The following PTP4A3 variants were observed in gnomAD, a reference collection of about 807,000 sequenced individuals.
The protein encoded by PTP4A3 is protein tyrosine phosphatase type IVA 3.
A neutral mutation model predicts 15.2 loss-of-function variants in PTP4A3; 9 were observed. The ratio of observed to expected loss-of-function variants is 0.59; its 90% confidence interval spans 0.36 to 1.03. PTP4A3 has a LOEUF of 1.03. Ranked by LOEUF, PTP4A3 falls within the 50% of genes least tolerant of loss-of-function variation. The pLI is 0.02. For synonymous variants in PTP4A3, 95 were observed against 102.0 expected (o/e 0.93, Z 0.41); for missense variants, 234 against 252.1 (o/e 0.93, Z 0.49).
intron 1 of PTP4A3, among the ~76,000 whole-genome samples, chr8:141,404,079 C>T (rs1051239666): frequency 3.9e-5 from 6 of 152,238 alleles, no homozygotes; most frequent in East Asian, 1.9e-4. Context: ...AGGGCCACGG[C>T]GACACGCCTG....
rs973381760 is a variant in PTP4A3 at position 141,427,170 on chromosome 8, G to T, written c.329+101G>T. The stretch of plus-strand genomic sequence containing the variant: ...ATGTGGGTCTTGAACACACGTCCAC[G>T]CGACCTTCCCAGGAGGCCCATGCCC... On this transcript the variant is annotated intron_variant, in intron 4 of 5. Coordinates refer to ENST00000521578, the MANE Select transcript of PTP4A3 (RefSeq NM_032611.3). 1.0e-5 allele frequency: 15 copies of T among 1,502,420 alleles called. No individual in the cohort carries two copies. In the South Asian group the frequency reaches 1.8e-4, roughly 18 times the overall value. The allele number at this position is 1,502,420 out of a possible 1,614,324, so 93.1% of individuals were successfully genotyped here. A position where few individuals can be genotyped will look rare whatever the true frequency, so the allele number is the denominator to read the frequency against.
rs1322064115 is a variant in PTP4A3 at position 141,407,601 on chromosome 8, C to G, written c.-853-13787C>G. On this transcript the variant is annotated intron_variant, in intron 1 of 5. Coordinates refer to ENST00000521578, the MANE Select transcript of PTP4A3 (RefSeq NM_032611.3). The stretch of plus-strand genomic sequence containing the variant: ...TTTTTTTTTGAGATGGAGTCTCACT[C>G]TGTTGCCCAGGCTGGAGTGCAGTGG... Among the ~76,000 whole-genome samples the G allele has an allele frequency of 2.0e-5, 3 of 148,260 alleles. No homozygotes were observed. The East Asian group carries it at 5.9e-4, about 29-fold the overall frequency.
intron 1 of PTP4A3, among the ~76,000 whole-genome samples, chr8:141,395,441 G>A (rs116416989): frequency 4.5e-4 from 68 of 152,296 alleles, no homozygotes; most frequent in African/African-American, 1.3e-3. Context: ...GTTTGGAAGC[G>A]GAACTGAGGG....
chr8:141,426,395 G>A (rs1387373309), intron 3 of PTP4A3: 7 of 977,336 alleles, frequency 7.2e-6, no homozygotes, highest in African/African-American at 1.8e-5. Context: ...GCCGGGGCCC[G>A]GTGGAACCGC....
chr8:141,410,041 C>T (rs1460255436), intron 1 of PTP4A3, among the ~76,000 whole-genome samples: 1 of 152,228 alleles, frequency 6.6e-6, no homozygotes, highest in Non-Finnish European at 1.5e-5. Flanking sequence ...CAGCCTGGGT[C>T]GGGGAGGTGA....
chr8:141,427,465 C>A (rs145162503), intron 4 of PTP4A3, among the ~76,000 whole-genome samples: 1 of 152,188 alleles, frequency 6.6e-6, no homozygotes, highest in African/African-American at 2.4e-5. Context: ...GAGACCCAGG[C>A]GAGCAGAGTT....
chr8:141,402,331 C>T (rs1352725208), intron 1 of PTP4A3, among the ~76,000 whole-genome samples: 2 of 152,214 alleles, frequency 1.3e-5, no homozygotes, highest in East Asian at 3.8e-4. Context: ...AGGGCTCCCC[C>T]AGATAACCCT....
At chr8:141,392,494 G>C (rs1370369593) in intron 1 of PTP4A3, 1 of 152,382 alleles carries the variant, frequency 6.6e-6, no homozygotes, top group Non-Finnish European at 1.5e-5. Flanking sequence ...CAGTTTGGGG[G>C]GCTGGAACCC....
chr8:141,406,428 G>A lies in PTP4A3; in HGVS notation c.-854+14344G>A, dbSNP rs770987669. On this transcript the variant is annotated intron_variant, in intron 1 of 5. Transcript: ENST00000521578. The surrounding 1 kb of genome is among the most constrained non-coding windows in gnomAD (Gnocchi z 4.5). ...GAAGTCCTGCCGTCCTCTTTCTGCT[G>A]CCACCCAGAGCCCGCCCTTTCCGGA... Among the ~76,000 whole-genome samples the A allele has an allele frequency of 5.9e-5, 9 of 151,668 alleles. No homozygotes were observed. Among genetic ancestry groups the A allele is most frequent in the Non-Finnish European group, 1.2e-4 (8 of 67,880 alleles).
At chr8:141,427,391 C>T (rs555415016) in intron 4 of PTP4A3, among the ~76,000 whole-genome samples, 28 of 152,304 alleles carry the variant, frequency 1.8e-4, no homozygotes, top group African/African-American at 5.3e-4. Context: ...GCTGGGAGAA[C>T]GGGAGGAAGA....
intron 1 of PTP4A3, among the ~76,000 whole-genome samples, chr8:141,402,207 G>T (rs2129846612): frequency 6.6e-6 from 1 of 152,294 alleles, no homozygotes; most frequent in Admixed American, 6.5e-5. Context: ...GGAGAGGTGG[G>T]CAGGCACAGC....
At chr8:141,403,401 G>C (rs116525668) in intron 1 of PTP4A3, among the ~76,000 whole-genome samples, 2,138 of 152,308 alleles carry the variant, frequency 0.014, 27 homozygotes, top group Non-Finnish European at 0.018. Context: ...CTGGGCCCAG[G>C]CTGGCCACAG....
At chr8:141,409,739 G>A (rs1187863883) in intron 1 of PTP4A3, among the ~76,000 whole-genome samples, 1 of 152,226 alleles carries the variant, frequency 6.6e-6, no homozygotes, top group Non-Finnish European at 1.5e-5. Context: ...CTGGGAGCTG[G>A]GCAGGTGCTC....
chr8:141,410,842 T>C (rs6986728), intron 1 of PTP4A3, among the ~76,000 whole-genome samples: 56,367 of 151,748 alleles, frequency 0.37, 12,714 homozygotes, highest in African/African-American at 0.62. Flanking sequence ...GGCCAGGCCT[T>C]GCGGGTGGAA....
chr8:141,415,020 G>A (rs950875426), intron 1 of PTP4A3, among the ~76,000 whole-genome samples: 2 of 148,002 alleles, frequency 1.4e-5, no homozygotes, highest in Admixed American at 6.6e-5. Context: ...TGTGGGTGGC[G>A]GGGGGCCTGG....
intron 1 of PTP4A3, among the ~76,000 whole-genome samples, chr8:141,392,835 G>A (rs1331169461): frequency 6.6e-6 from 1 of 152,218 alleles, no homozygotes; most frequent in East Asian, 1.9e-4. Context: ...GGCTTCCCTG[G>A]CCCTCTGTGA....
At chr8:141,403,741 C>T (rs1202312133) in intron 1 of PTP4A3, among the ~76,000 whole-genome samples, 3 of 152,322 alleles carry the variant, frequency 2.0e-5, no homozygotes, top group African/African-American at 7.2e-5. Flanking sequence ...TTTCCGTGGG[C>T]CAGTGAGTGG....
intron 2 of PTP4A3, among the ~76,000 whole-genome samples, chr8:141,423,721 C>T (rs114888937): frequency 0.023 from 3,429 of 149,212 alleles, 126 homozygotes; most frequent in African/African-American, 0.08. Flanking sequence ...TGACCAGGGT[C>T]GAAGCTCAGT....
At chr8:141,409,254 C>A (rs1832805926) in intron 1 of PTP4A3, among the ~76,000 whole-genome samples, 2 of 152,244 alleles carry the variant, frequency 1.3e-5, no homozygotes, top group African/African-American at 4.8e-5. Context: ...CACTGCCAGA[C>A]AGGGCAAAGT....
Sources: gnomAD v4.1 joint callset for allele counts (sites outside exome capture counted in the v4.1 genomes callset) on GRCh38, gnomAD v4.1.1 for gene constraint, Gnocchi (gnomAD v3.1) non-coding constraint, MANE v1.5 for transcripts, NCBI Gene and HGNC (gene_info 2026-07-23, HGNC 2026-07-21) for gene names.